Variants in NALCN observed in about 807,000 individuals in gnomAD.
NALCN encodes sodium leak channel, non-selective, also known as sodium leak channel NALCN.
In NALCN, 111 loss-of-function variants were observed where a neutral mutation model predicts 225.3. That is an observed-to-expected ratio of 0.49 (90% confidence interval 0.42 to 0.58). The LOEUF (loss-of-function observed/expected upper bound fraction) is 0.58. Among genes scored for constraint, NALCN ranks in the 20% least tolerant of loss-of-function variants. NALCN has a pLI of 0.00. For missense variants in NALCN, 1,378 were observed against 2,202.4 expected (o/e 0.63, Z 7.49); for synonymous variants, 764 against 769.0 (o/e 0.99, Z 0.11).
At chr13:101,135,190 G>C (rs998026953) in intron 17 of NALCN, among the ~76,000 whole-genome samples, 1 of 152,088 alleles carries the variant, frequency 6.6e-6, no homozygotes, top group Admixed American at 6.6e-5. Flanking sequence ...GCGAGACTCC[G>C]TCTCAAACAA....
At position 101,197,851 on chromosome 13, in the gene NALCN, C is replaced by T. The variant is rs911869421; in HGVS notation, c.1627-5797G>A. On this transcript the variant is annotated intron_variant, in intron 13 of 43. Coordinates refer to ENST00000251127, the MANE Select transcript of NALCN (RefSeq NM_052867.4). ...AGATCAGCCATGCAGTTGAGTGGGA[C>T]AACAAAAGGGAAATTACAAAGTCAA... Among the ~76,000 whole-genome samples the T allele has an allele frequency of 2.6e-5, 4 of 152,116 alleles. No homozygotes were observed. The East Asian group carries it at 7.7e-4, about 29-fold the overall frequency.
In NALCN at chr13:101,107,662, C is replaced by T. The variant is rs201491879; in HGVS notation, c.2456+36G>A. ...AGGCTAAGGGAAATTTTGCCATTCC[C>T]GAATGAGAGCCATGGGACACTGCAG... On this transcript the variant is annotated intron_variant, in intron 21 of 43. Coordinates refer to ENST00000251127, the MANE Select transcript of NALCN (RefSeq NM_052867.4). The T allele has an allele frequency of 7.7e-4, 1,239 of 1,613,870 alleles. 2 individuals carry two copies. Among genetic ancestry groups the T allele is most frequent in the Non-Finnish European group, 9.5e-4 (1,115 of 1,179,854 alleles).
intron 18 of NALCN, 68 bp downstream of exon 18, chr13:101,124,540 A>G (rs886757937): frequency 2.3e-4 from 320 of 1,385,444 alleles, no homozygotes; most frequent in Non-Finnish European, 2.3e-4. Context: ...TCATTTTTCA[A>G]AAAGCTATTT....
intron 11 of NALCN, among the ~76,000 whole-genome samples, chr13:101,246,611 C>T (rs751421618): frequency 1.3e-5 from 2 of 152,280 alleles, no homozygotes; most frequent in Admixed American, 6.5e-5. Flanking sequence ...TTTTACCTAA[C>T]AAGATAATGT....
chr13:101,211,782 C>T (rs1467670611), intron 13 of NALCN, among the ~76,000 whole-genome samples: 1 of 151,464 alleles, frequency 6.6e-6, no homozygotes, highest in African/African-American at 2.4e-5. Flanking sequence ...TTTTATGAAA[C>T]TGTGAAAGAT....
chr13:101,142,053 A>T (rs1275772746), intron 17 of NALCN, among the ~76,000 whole-genome samples: 1 of 151,980 alleles, frequency 6.6e-6, no homozygotes, highest in Non-Finnish European at 1.5e-5. Flanking sequence ...CTATGCATAC[A>T]TATATACACA....
chr13:101,279,822 ATAAATAAATAAAT>A (rs1566524096), intron 10 of NALCN, among the ~76,000 whole-genome samples: 5 of 137,632 alleles, frequency 3.6e-5, no homozygotes, highest in Admixed American at 7.6e-5. Flanking sequence ...GTCTCAAAAA[ATAAATAAATAAAT>A]AAAATAAATA....
At chr13:101,276,594 CTAATTA>C (rs2042980710) in intron 10 of NALCN, among the ~76,000 whole-genome samples, 2 of 152,150 alleles carry the variant, frequency 1.3e-5, no homozygotes, top group Non-Finnish European at 2.9e-5. Context: ...GGTTCCTATT[CTAATTA>C]TAATTATAGC....
intron 43 of NALCN, chr13:101,056,972 T>C (rs960884819): frequency 2.6e-5 from 4 of 152,160 alleles, no homozygotes; most frequent in African/African-American, 9.7e-5. Context: ...TCTTCTCTGA[T>C]CTCTGAAAAA....
chr13:101,178,019 A>G (rs2039031684), intron 14 of NALCN, among the ~76,000 whole-genome samples: 1 of 152,164 alleles, frequency 6.6e-6, no homozygotes, highest in South Asian at 2.1e-4. Flanking sequence ...GAGGGTTTTT[A>G]TTAACATCAC....
intron 15 of NALCN, among the ~76,000 whole-genome samples, chr13:101,150,771 GATC>G (rs34243752): frequency 0.78 from 119,086 of 151,860 alleles, 46,895 homozygotes; most frequent in East Asian, 1. Context: ...GAATTTTTAA[GATC>G]ATTATACTAT....
intron 42 of NALCN, 88 bp from the exon 43 acceptor site, chr13:101,058,144 A>G: frequency 8.9e-7 from 1 of 1,127,354 alleles, no homozygotes; most frequent in South Asian, 1.5e-5. Flanking sequence ...ACATGGCAGG[A>G]GGACAAGTGG....
chr13:101,386,253 A>G (rs1416484278), intron 3 of NALCN, among the ~76,000 whole-genome samples: 1 of 152,214 alleles, frequency 6.6e-6, no homozygotes, highest in East Asian at 1.9e-4. Flanking sequence ...TAGTTTTCCC[A>G]TATAAATTAG....
intron 10 of NALCN, among the ~76,000 whole-genome samples, chr13:101,269,774 C>T (rs2140248125): frequency 6.6e-6 from 1 of 152,286 alleles, no homozygotes; most frequent in Admixed American, 6.5e-5. Context: ...TAAGTCTCAG[C>T]CTGTGGCAGT....
chr13:101,170,761 G>T (rs752727910), intron 15 of NALCN, among the ~76,000 whole-genome samples: 1 of 152,082 alleles, frequency 6.6e-6, no homozygotes, highest in Non-Finnish European at 1.5e-5. Context: ...TACAGGGCTG[G>T]GTAAACAGTT....
intron 39 of NALCN, among the ~76,000 whole-genome samples, chr13:101,066,241 A>T (rs530644219): frequency 6.7e-6 from 1 of 149,918 alleles, no homozygotes; most frequent in Admixed American, 6.7e-5. Flanking sequence ...CTGGGGAATC[A>T]CTTGAACCCA....
At chr13:101,365,336 C>T (rs1460093292) in intron 6 of NALCN, among the ~76,000 whole-genome samples, 2 of 152,034 alleles carry the variant, frequency 1.3e-5, no homozygotes, top group East Asian at 1.9e-4. Flanking sequence ...CTTAGGATAA[C>T]GGCCTCCAGC....
rs148917371 is a variant in NALCN, at chr13:101,133,450, G to A, written c.2119-8769C>T. Among the ~76,000 whole-genome samples, 226 of 152,282 alleles carry A rather than the reference G, an allele frequency of 1.5e-3. 1 individual carries two copies. Among genetic ancestry groups the A allele is most frequent in the Non-Finnish European group, 2.4e-3 (162 of 68,014 alleles). ...CACGGTCCAATGAATATGGCTTGATGAATGTCATTTCTGCTAGAAAGTTGT... is the reference window on the plus strand; with the variant it reads ...CACGGTCCAATGAATATGGCTTGATAAATGTCATTTCTGCTAGAAAGTTGT... On this transcript the variant is annotated intron_variant, in intron 17 of 43. Coordinates refer to ENST00000251127, the MANE Select transcript of NALCN (RefSeq NM_052867.4).
At chr13:101,353,803 A>T (rs2045972480) in intron 6 of NALCN, among the ~76,000 whole-genome samples, 1 of 152,142 alleles carries the variant, frequency 6.6e-6, no homozygotes, top group Admixed American at 6.6e-5. Context: ...AAAATTAAGT[A>T]TTTTTTCAAA....
Sources: allele counts gnomAD v4.1 joint callset (sites outside exome capture counted in the v4.1 genomes callset), GRCh38; gene constraint gnomAD v4.1.1; transcripts MANE v1.5; gene names NCBI Gene and HGNC (gene_info 2026-07-23, HGNC 2026-07-21).